The following PARD3B variants were observed in gnomAD, a reference collection of about 807,000 sequenced individuals.
PARD3B encodes partitioning defective 3 homolog B.
PARD3B carries 103 observed loss-of-function variants against 130.2 expected under a neutral mutation model. The observed-to-expected ratio is 0.79, with a 90% CI of 0.67 to 0.93. PARD3B has a LOEUF of 0.93. PARD3B is among the 40% of genes least tolerant of loss of function. The probability of loss-of-function intolerance (pLI) is 0.00; values close to 1 mark genes in which losing one functional copy is unlikely to be tolerated. For synonymous variants in PARD3B, 583 were observed against 553.2 expected, an observed-to-expected ratio of 1.05 and a Z score of -0.76; for missense variants, 1,609 against 1,499.2, an observed-to-expected ratio of 1.07 and a Z score of -1.21.
At chr2:205,170,766 C>G (rs1038769781) in intron 11 of PARD3B, among the ~76,000 whole-genome samples, 2 of 150,838 alleles carry the variant, frequency 1.3e-5, no homozygotes, top group South Asian at 2.1e-4. Context: ...TTGTGTGTGT[C>G]TGGCTATCTC....
intron 20 of PARD3B, among the ~76,000 whole-genome samples, chr2:205,474,482 G>A (rs1677537611): frequency 6.6e-6 from 1 of 152,058 alleles, no homozygotes; most frequent in Admixed American, 6.6e-5. Flanking sequence ...ATATTTTCCT[G>A]TGTCAATTAA....
chr2:204,661,282 T>C (rs952089363), intron 1 of PARD3B, among the ~76,000 whole-genome samples: 11 of 152,214 alleles, frequency 7.2e-5, no homozygotes, highest in African/African-American at 2.4e-4. Context: ...AATGTTAGTG[T>C]GAATCCACAA....
intron 21 of PARD3B, among the ~76,000 whole-genome samples, chr2:205,540,098 C>T (rs1322380931): frequency 1.3e-5 from 2 of 152,206 alleles, no homozygotes; most frequent in African/African-American, 4.8e-5. Context: ...TGTGCGGCAC[C>T]GTCATGCTAC....
intron 1 of PARD3B, among the ~76,000 whole-genome samples, chr2:204,662,858 T>C (rs879591845): frequency 3.3e-5 from 5 of 152,166 alleles, no homozygotes; most frequent in Non-Finnish European, 7.4e-5. Context: ...ATAGAATTAT[T>C]ATGGAAATAG....
At chr2:204,733,423 T>C (rs2039605231) in intron 2 of PARD3B, among the ~76,000 whole-genome samples, 1 of 150,998 alleles carries the variant, frequency 6.6e-6, no homozygotes, top group Non-Finnish European at 1.5e-5. Flanking sequence ...TTAAAAATGC[T>C]AATCTTCAAA....
At chr2:205,049,060 A>G in intron 4 of PARD3B, among the ~76,000 whole-genome samples, 1 of 152,188 alleles carries the variant, frequency 6.6e-6, no homozygotes, top group East Asian at 1.9e-4. Flanking sequence ...AAAGAGCAGA[A>G]CTACAATTTA....
At chr2:205,425,566 A>C (rs538862358) in intron 19 of PARD3B, among the ~76,000 whole-genome samples, 369 of 151,994 alleles carry the variant, frequency 2.4e-3, no homozygotes, top group Middle Eastern at 0.01. Flanking sequence ...AAAAAAAAAA[A>C]AACAACAACA....
intron 2 of PARD3B, among the ~76,000 whole-genome samples, chr2:204,756,591 A>G (rs1429037494): frequency 6.6e-6 from 1 of 152,188 alleles, no homozygotes; most frequent in African/African-American, 2.4e-5. Flanking sequence ...GAAAGTAGAC[A>G]TAAGGGAGAA....
intron 2 of PARD3B, among the ~76,000 whole-genome samples, chr2:204,850,423 C>T (rs964687550): frequency 6.6e-6 from 1 of 151,642 alleles, no homozygotes; most frequent in Non-Finnish European, 1.5e-5. Context: ...GATTGGGACT[C>T]ATAGGCTTTT....
intron 3 of PARD3B, among the ~76,000 whole-genome samples, chr2:204,981,193 A>G (rs934927603): frequency 5.3e-5 from 8 of 152,174 alleles, no homozygotes; most frequent in African/African-American, 1.4e-4. Context: ...TACATGTCCT[A>G]TGACTCTGCC....
intron 3 of PARD3B, among the ~76,000 whole-genome samples, chr2:205,028,448 C>T (rs969443641): frequency 2.6e-5 from 4 of 152,030 alleles, no homozygotes; most frequent in African/African-American, 4.8e-5. Flanking sequence ...ATGAATTTAT[C>T]GCAACATAAC....
chr2:204,919,376 C>G (rs991487369), intron 2 of PARD3B, among the ~76,000 whole-genome samples: 1 of 152,192 alleles, frequency 6.6e-6, no homozygotes, highest in Non-Finnish European at 1.5e-5. Context: ...CAACCACTTC[C>G]GAAAATCACC....
chr2:204,708,120 T>C (rs1419293339), intron 2 of PARD3B, among the ~76,000 whole-genome samples: 1 of 152,166 alleles, frequency 6.6e-6, no homozygotes, highest in Non-Finnish European at 1.5e-5. Flanking sequence ...TGTCTGACTA[T>C]GTATAAATAA....
intron 2 of PARD3B, among the ~76,000 whole-genome samples, chr2:204,773,781 C>G (rs1048935146): frequency 7.9e-5 from 12 of 152,044 alleles, no homozygotes; most frequent in African/African-American, 1.2e-4. Flanking sequence ...TCTCCTTTCA[C>G]CCTGACTTCC....
rs1046784856 is a variant in PARD3B at position 205,281,563 on chromosome 2, C to CT, written c.2186-18960dup. On this transcript the variant is annotated intron_variant, in intron 16 of 22. Coordinates refer to ENST00000406610, the MANE Select transcript of PARD3B (RefSeq NM_001302769.2). The surrounding 1 kb of genome is among the most constrained non-coding windows in gnomAD (Gnocchi z 4.2). ...CAATTGTAACAAACCAGGAAATCCACTTTTTTTCCTAAGTTGGGAAAATAC... is the reference window on the plus strand; with the variant it reads ...CAATTGTAACAAACCAGGAAATCCACTTTTTTTTCCTAAGTTGGGAAAATAC... Among the ~76,000 whole-genome samples the CT allele has an allele frequency of 6.6e-6, 1 of 152,172 alleles. No individual in the cohort carries two copies. Among genetic ancestry groups the CT allele is most frequent in the Non-Finnish European group, 1.5e-5 (1 of 68,024 alleles).
At chr2:204,699,594 T>C (rs1403831957) in intron 2 of PARD3B, among the ~76,000 whole-genome samples, 1 of 151,886 alleles carries the variant, frequency 6.6e-6, no homozygotes, top group East Asian at 1.9e-4. Flanking sequence ...GTTAGAAAAA[T>C]AAGTAATTTG....
At chr2:204,575,090 C>G (rs954152125) in intron 1 of PARD3B, among the ~76,000 whole-genome samples, 5 of 152,056 alleles carry the variant, frequency 3.3e-5, no homozygotes, top group South Asian at 2.1e-4. Flanking sequence ...GAAGACTCAG[C>G]AATTTAGTAA....
intron 2 of PARD3B, among the ~76,000 whole-genome samples, chr2:204,937,918 T>A (rs551380418): frequency 6.6e-6 from 1 of 152,324 alleles, no homozygotes; most frequent in African/African-American, 2.4e-5. Flanking sequence ...TCTGTCCTAC[T>A]GAAAGGCAGT....
intron 2 of PARD3B, among the ~76,000 whole-genome samples, chr2:204,718,906 G>A (rs1038372330): frequency 6.6e-5 from 10 of 152,098 alleles, no homozygotes; most frequent in Non-Finnish European, 1.2e-4. Context: ...ACACATATAT[G>A]TATCGTTGCA....
Sources: allele counts gnomAD v4.1 joint callset (sites outside exome capture counted in the v4.1 genomes callset), GRCh38; gene constraint gnomAD v4.1.1; non-coding constraint Gnocchi (gnomAD v3.1); transcripts MANE v1.5; gene names NCBI Gene and HGNC (gene_info 2026-07-23, HGNC 2026-07-21).